NCAPH: variants seen among roughly 807,000 people sequenced by gnomAD.
NCAPH encodes condensin complex subunit 2.
Under a neutral mutation model 85.5 loss-of-function variants are expected in NCAPH, and 38 were observed. The ratio of observed to expected loss-of-function variants is 0.44; its 90% CI spans 0.34 to 0.58. The LOEUF is 0.58. Among genes scored for constraint, NCAPH ranks in the 20% least tolerant of loss-of-function variants. The pLI is 0.01. For synonymous variants in NCAPH, 301 were observed against 335.1 expected, an observed-to-expected ratio of 0.90 and a Z score of 1.11; for missense variants, 789 against 916.6, an observed-to-expected ratio of 0.86 and a Z score of 1.80.
intron 11 of NCAPH, 30 bp from the exon 12 acceptor site, chr2:96,360,558 C>T (rs1298137359): frequency 1.2e-6 from 2 of 1,612,384 alleles, no homozygotes; most frequent in East Asian, 2.2e-5. Flanking sequence ...GTTAAAATGC[C>T]TAAAACACTT....
intron 9 of NCAPH, among the ~76,000 whole-genome samples, chr2:96,356,702 G>A (rs537927936): frequency 6.6e-6 from 1 of 152,240 alleles, no homozygotes; most frequent in Non-Finnish European, 1.5e-5. Flanking sequence ...TCAGTGGGTA[G>A]AGGGGGCCAG....
chr2:96,341,509 A>G (rs567391788), intron 1 of NCAPH, 133 bp from the exon 2 acceptor site: 2 of 1,203,762 alleles, frequency 1.7e-6, no homozygotes, highest in Middle Eastern at 2.0e-4. Context: ...GGTTCTAGCC[A>G]TTAAGTATTA....
intron 7 of NCAPH, 111 bp downstream of exon 7, chr2:96,352,131 A>G (rs1172253797): frequency 8.7e-7 from 1 of 1,154,382 alleles, no homozygotes; most frequent in Non-Finnish European, 1.2e-6. Flanking sequence ...TAAATTACCC[A>G]GAAGTTTCCT....
At chr2:96,357,846 G>C (rs1440065475) in intron 9 of NCAPH, among the ~76,000 whole-genome samples, 1 of 152,036 alleles carries the variant, frequency 6.6e-6, no homozygotes. Context: ...ACTATATGTA[G>C]GCTCAATACA....
At chr2:96,359,527 C>T in intron 10 of NCAPH, 1 of 311,776 alleles carries the variant, frequency 3.2e-6, no homozygotes, top group Non-Finnish European at 5.9e-6. Context: ...ACAGGAGCTA[C>T]TGCACATGTT....
rs2064451175 is a variant in NCAPH, at chr2:96,352,007, G to C, written c.897G>C (p.Met299Ile). The change falls in exon 7 of 18, where the codon ATG becomes ATC. Residue 299 changes from methionine (M) to isoleucine (I), a missense_variant. Coordinates refer to ENST00000240423, the MANE Select transcript of NCAPH (RefSeq NM_015341.5). ...TGCCAGAGTTAGGTTGTGTAGAAAT[G>C]ACAGATTTAAAAGGTAAGTACAAGT... ...LELPELGCVEMTDLKAPLQQC... is the reference protein window; with the variant it reads ...LELPELGCVEITDLKAPLQQC... The C allele has an allele frequency of 6.2e-7, 1 of 1,610,112 alleles. No homozygotes were observed. The highest frequency in any genetic ancestry group is 1.1e-5 in the South Asian group (1 of 90,154).
chr2:96,365,280 G>A (rs892615785), intron 13 of NCAPH, among the ~76,000 whole-genome samples: 1 of 152,146 alleles, frequency 6.6e-6, no homozygotes, highest in Non-Finnish European at 1.5e-5. Context: ...AAGAGAGTTA[G>A]GCTGTTATAT....
rs2064293713 is a variant in NCAPH, at chr2:96,341,493, T to C, written c.20-149T>C. ...CCCTGCACCTCCAAGAAACCCAAAC[T>C]CTAGAGGTTCTAGCCATTAAGTATT... On this transcript the variant is annotated intron_variant, in intron 1 of 17. Coordinates refer to ENST00000240423, the MANE Select transcript of NCAPH (RefSeq NM_015341.5). 18 of 1,094,358 alleles carry C rather than the reference T, an allele frequency of 1.6e-5. No homozygotes were observed. In the South Asian group the frequency reaches 2.7e-4, roughly 17 times the overall value. The allele number at this position is 1,094,358 out of a possible 1,614,324, so 67.8% of individuals were successfully genotyped here.
chr2:96,360,367 TC>T, intron 11 of NCAPH, 118 bp downstream of exon 11: 1 of 806,812 alleles, frequency 1.2e-6, no homozygotes, highest in Non-Finnish European at 2.0e-6. Flanking sequence ...TCTTCCTTGT[TC>T]CTTAAACGCA....
At chr2:96,351,683 AAAC>A in intron 6 of NCAPH, 145 bp from the exon 7 acceptor site, 16 of 660,564 alleles carry the variant, frequency 2.4e-5, no homozygotes, top group South Asian at 1.2e-4. Context: ...AAAAAAAAAA[AAAC>A]AAAAACAAAC....
intron 11 of NCAPH, 56 bp from the exon 12 acceptor site, chr2:96,360,532 A>G: frequency 1.1e-5 from 18 of 1,596,406 alleles, no homozygotes; most frequent in Non-Finnish European, 1.5e-5. Context: ...AAAAAAAGTA[A>G]GATGTTTTGC....
chr2:96,360,983 G>A (rs2064599379), intron 12 of NCAPH, among the ~76,000 whole-genome samples: 1 of 140,700 alleles, frequency 7.1e-6, no homozygotes, highest in Non-Finnish European at 1.6e-5. Flanking sequence ...AGTGAGTGTA[G>A]TTTTTTGGTG....
At position 96,365,963 on chromosome 2, in the gene NCAPH, C is replaced by T. The variant is rs1172484239; in HGVS notation, c.1786C>T (p.Pro596Ser). 1 of 1,614,050 alleles carries T rather than the reference C, an allele frequency of 6.2e-7. No individual in the cohort carries two copies. Among genetic ancestry groups the T allele is most frequent in the Non-Finnish European group, 8.5e-7 (1 of 1,180,036 alleles). ...SDLSPYPCHPPKTAQQNGDTP... is the reference protein window; with the variant it reads ...SDLSPYPCHPSKTAQQNGDTP... ...CCTCTCACCTTATCCTTGCCATCCA[C>T]CTAAGACAGCACAACAGAATGGTGA... Residue 596 changes from proline to serine, a missense_variant, in exon 14 of 18, where the codon CCT becomes TCT. Transcript: ENST00000240423.
Position 96,374,106 on chromosome 2 carries a change from CCTT to C in NCAPH, c.*758_*760del, listed in dbSNP as rs1421237602. On this transcript the variant is annotated 3_prime_UTR_variant, in exon 18 of 18. Transcript: ENST00000240423. ...CCCTTCTGTACATTGCTTCATGTAG[CCTT>C]CTCAGCATCCCTAGGAGAAACTTAC... Among the ~76,000 whole-genome samples, 10 of 152,190 alleles carry C rather than the reference CCTT, an allele frequency of 6.6e-5. No individual in the cohort carries two copies. The highest frequency in any genetic ancestry group is 1.5e-4 in the Non-Finnish European group (10 of 68,028).
intron 6 of NCAPH, among the ~76,000 whole-genome samples, chr2:96,345,021 ATAAATGGTAAT>A (rs1260808417): frequency 2.0e-5 from 3 of 152,238 alleles, no homozygotes; most frequent in Non-Finnish European, 4.4e-5. Context: ...CACAACATTC[ATAAATGGTAAT>A]TAAGGTCACA....
intron 16 of NCAPH, 23 bp downstream of exon 16, chr2:96,369,086 G>T: frequency 6.4e-7 from 1 of 1,550,776 alleles, no homozygotes; most frequent in Non-Finnish European, 8.7e-7. Flanking sequence ...AGGCATGGGG[G>T]CTTTGTTGGG....
chr2:96,352,428 G>A (rs1255157458), intron 7 of NCAPH, among the ~76,000 whole-genome samples: 1 of 152,246 alleles, frequency 6.6e-6, no homozygotes, highest in East Asian at 1.9e-4. Flanking sequence ...CTGAGGAGAA[G>A]AGAGCGTTGT....
intron 6 of NCAPH, among the ~76,000 whole-genome samples, chr2:96,349,462 A>G (rs890039465): frequency 1.8e-4 from 27 of 151,740 alleles, no homozygotes; most frequent in Non-Finnish European, 3.2e-4. Context: ...GCTCACTGCA[A>G]CCTCCACCTC....
At chr2:96,341,415 A>G in intron 1 of NCAPH, 1 of 545,278 alleles carries the variant, frequency 1.8e-6, no homozygotes. Flanking sequence ...ATAGCTGCAG[A>G]GTGGATATTT....
Sources: gnomAD v4.1 joint callset for allele counts (sites outside exome capture counted in the v4.1 genomes callset) on GRCh38, gnomAD v4.1.1 for gene constraint, MANE v1.5 for transcripts, NCBI Gene and HGNC (gene_info 2026-07-23, HGNC 2026-07-21) for gene names.